The following RAD51B variants were observed in gnomAD, a reference collection of about 807,000 sequenced individuals.
RAD51B encodes the protein RAD51 paralog B.
RAD51B carries 38 observed loss-of-function variants against 42.2 expected under a neutral mutation model. The ratio of observed to expected loss-of-function variants is 0.90; its 90% CI spans 0.70 to 1.18. The LOEUF is 1.18. Ranked by LOEUF, RAD51B falls within the 50% of genes most tolerant of loss-of-function variation. The pLI is 0.00. For missense variants in RAD51B, 373 were observed against 400.7 expected (o/e 0.93, Z 0.59); for synonymous variants, 154 against 145.2 (o/e 1.06, Z -0.43).
intron 8 of RAD51B, among the ~76,000 whole-genome samples, chr14:68,373,123 G>C (rs1163269811): frequency 6.6e-6 from 1 of 152,210 alleles, no homozygotes; most frequent in East Asian, 1.9e-4. Flanking sequence ...ATAAGTGCAA[G>C]TAGTACTATA....
chr14:68,228,206 C>T (rs1377199697), intron 7 of RAD51B, among the ~76,000 whole-genome samples: 3 of 152,062 alleles, frequency 2.0e-5, no homozygotes, highest in Non-Finnish European at 4.4e-5. Flanking sequence ...TCCTTCCTTA[C>T]CATCTGAGAT....
At chr14:68,388,015 T>A (rs968730684) in intron 8 of RAD51B, among the ~76,000 whole-genome samples, 3 of 150,580 alleles carry the variant, frequency 2.0e-5, no homozygotes, top group Non-Finnish European at 4.5e-5. Context: ...TTTTTTCATG[T>A]GCCTACTGGA....
At chr14:68,337,000 TCTAA>T (rs113476268) in intron 8 of RAD51B, among the ~76,000 whole-genome samples, 5 of 152,374 alleles carry the variant, frequency 3.3e-5, no homozygotes, top group African/African-American at 9.6e-5. Flanking sequence ...AGTTCCATGT[TCTAA>T]CTGAGATGAA....
intron 7 of RAD51B, among the ~76,000 whole-genome samples, chr14:68,193,013 A>T (rs1473965320): frequency 6.6e-6 from 1 of 152,158 alleles, no homozygotes; most frequent in Non-Finnish European, 1.5e-5. Context: ...AATGTTTCCA[A>T]ACTTTAAATT....
chr14:68,526,554 G>C (rs945791866), intron 10 of RAD51B, among the ~76,000 whole-genome samples: 1 of 152,226 alleles, frequency 6.6e-6, no homozygotes, highest in Non-Finnish European at 1.5e-5. Context: ...CCTCCAGGAA[G>C]CAGGCTCCAG....
Position 68,477,707 on chromosome 14 carries a change from G to A in RAD51B, c.*43G>A, listed in dbSNP as rs957722136. 14 of 1,606,206 alleles carry A rather than the reference G, an allele frequency of 8.7e-6. No individual in the cohort carries two copies. In the African/African-American group the frequency reaches 1.8e-4, roughly 20 times the overall value. On this transcript the variant is annotated 3_prime_UTR_variant, in exon 11 of 11. Transcript: ENST00000471583. ...TCTAGAGTTGATGGGGGTGTGATTT[G>A]TGAAATAAAACAGGACCGTACTGCT...
intron 7 of RAD51B, among the ~76,000 whole-genome samples, chr14:67,899,713 C>T (rs1439646512): frequency 6.6e-6 from 1 of 152,152 alleles, no homozygotes; most frequent in Non-Finnish European, 1.5e-5. Flanking sequence ...ATAGCTACAT[C>T]TTATTGATAA....
At chr14:68,027,741 T>G (rs1159621550) in intron 7 of RAD51B, among the ~76,000 whole-genome samples, 1 of 152,184 alleles carries the variant, frequency 6.6e-6, no homozygotes, top group Admixed American at 6.5e-5. Flanking sequence ...TCTTGGATCA[T>G]TTTACTGGAT....
downstream of RAD51B, among the ~76,000 whole-genome samples, chr14:68,597,691 G>A (rs1891058091): frequency 6.6e-6 from 1 of 151,868 alleles, no homozygotes; most frequent in Non-Finnish European, 1.5e-5. Flanking sequence ...TAACTATTGG[G>A]TACTGGGCTT....
In RAD51B at chr14:68,575,716, C is replaced by T. The variant is rs113388189; in HGVS notation, c.1037-18769C>T. ...GAGCAGCAGTCCCTGCACCCAGGCT[C>T]ATGCCCCAGTTGGCAGCCAAGTTCA... On this transcript the variant is annotated intron_variant, in intron 10 of 10. Transcript: ENST00000487270. Among the ~76,000 whole-genome samples the T allele has an allele frequency of 3.2e-3, 484 of 152,354 alleles. 2 individuals are homozygous for T. The highest frequency in any genetic ancestry group is 0.011 in the African/African-American group (455 of 41,570).
chr14:67,914,867 T>G (rs950952368), intron 7 of RAD51B, among the ~76,000 whole-genome samples: 1 of 152,240 alleles, frequency 6.6e-6, no homozygotes, highest in Non-Finnish European at 1.5e-5. Context: ...GATATCTACC[T>G]TCTTGTTTCA....
At chr14:67,846,279 G>C (rs947078174) in intron 4 of RAD51B, among the ~76,000 whole-genome samples, 18 of 152,320 alleles carry the variant, frequency 1.2e-4, no homozygotes, top group African/African-American at 4.3e-4. Flanking sequence ...GTCTCCATGT[G>C]TGTGTTCGTG....
At chr14:68,539,702 G>A (rs767871733) in intron 10 of RAD51B, among the ~76,000 whole-genome samples, 11 of 152,316 alleles carry the variant, frequency 7.2e-5, no homozygotes, top group Middle Eastern at 3.4e-3. Context: ...CCATGAATGG[G>A]GCCATGGAGG....
chr14:68,561,372 C>A (rs1250958887), intron 10 of RAD51B, among the ~76,000 whole-genome samples: 1 of 152,178 alleles, frequency 6.6e-6, no homozygotes, highest in Non-Finnish European at 1.5e-5. Context: ...TCTTAGCGCA[C>A]CCCAGGGGAT....
At chr14:68,159,278 A>T (rs960618127) in intron 7 of RAD51B, among the ~76,000 whole-genome samples, 21 of 152,152 alleles carry the variant, frequency 1.4e-4, no homozygotes, top group African/African-American at 4.6e-4. Flanking sequence ...GTTAAAATTT[A>T]AAAAATTGAT....
Position 68,382,900 on chromosome 14 carries a change from C to CT in RAD51B, c.854-28516dup, listed in dbSNP as rs201961397. Among the ~76,000 whole-genome samples the CT allele has an allele frequency of 7.2e-3, 1,095 of 152,062 alleles. 9 individuals are homozygous for CT. The highest frequency in any genetic ancestry group is 0.011 in the Non-Finnish European group (750 of 67,956). ...AAATCACTAGCATAGTATTACATGG[C>CT]TTTTTTTTGGCCTGGGTGCAGCCCC... On this transcript the variant is annotated intron_variant, in intron 8 of 10. Transcript: ENST00000471583.
chr14:68,547,360 C>T (rs1452375600), intron 10 of RAD51B, among the ~76,000 whole-genome samples: 1 of 152,208 alleles, frequency 6.6e-6, no homozygotes, highest in Non-Finnish European at 1.5e-5. Context: ...CCACTGTTAC[C>T]TTTCACTTCC....
At chr14:68,237,484 G>T (rs1458421817) in intron 7 of RAD51B, among the ~76,000 whole-genome samples, 1 of 152,012 alleles carries the variant, frequency 6.6e-6, no homozygotes, top group African/African-American at 2.4e-5. Context: ...AGTAATTTTT[G>T]TGTATTCCCT....
Position 67,862,916 on chromosome 14 carries a change from T to G in RAD51B, c.316-2087T>G, listed in dbSNP as rs547455407. 1.1e-4 allele frequency among the ~76,000 whole-genome samples: 17 copies of G among 152,208 alleles called. No individual in the cohort carries two copies. In the South Asian group the frequency reaches 3.5e-3, roughly 32 times the overall value. ...TTTTATACTCTATAGGACATATTAG[T>G]AAAATAGTATGTTCATAATAAATAT... On this transcript the variant is annotated intron_variant, in intron 4 of 10. Coordinates refer to ENST00000471583, the MANE Select transcript of RAD51B (RefSeq NM_133510.4).
Sources: allele counts gnomAD v4.1 joint callset (sites outside exome capture counted in the v4.1 genomes callset), GRCh38; gene constraint gnomAD v4.1.1; transcripts MANE v1.5; gene names NCBI Gene and HGNC (gene_info 2026-07-23, HGNC 2026-07-21).